COMMD10: variants seen among roughly 807,000 people sequenced by gnomAD.
The protein encoded by COMMD10 is COMM domain-containing protein 10.
COMMD10 carries 33 observed loss-of-function variants against 28.9 expected under a neutral mutation model. The observed-to-expected ratio is 1.14, with a 90% CI of 0.87 to 1.53. COMMD10 has a LOEUF of 1.53. Ranked by LOEUF, COMMD10 falls within the 40% of genes most tolerant of loss-of-function variation. The pLI is 0.00. For missense variants in COMMD10, 310 were observed against 233.4 expected, an observed-to-expected ratio of 1.33 and a Z score of -2.14; for synonymous variants, 110 against 81.7, an observed-to-expected ratio of 1.35 and a Z score of -1.87.
intron 5 of COMMD10, among the ~76,000 whole-genome samples, chr5:116,188,266 CACTTG>C (rs764746965): frequency 7.2e-5 from 11 of 152,094 alleles, no homozygotes; most frequent in Non-Finnish European, 1.5e-4. Flanking sequence ...TTATCAAGTC[CACTTG>C]ACTTAAAGTA....
chr5:116,163,645 TTGA>T (rs1252151575), intron 5 of COMMD10, among the ~76,000 whole-genome samples: 1 of 151,968 alleles, frequency 6.6e-6, no homozygotes, highest in East Asian at 1.9e-4. Context: ...GGAAACTATC[TTGA>T]TGATTTTGTG....
intron 4 of COMMD10, among the ~76,000 whole-genome samples, chr5:116,126,787 A>C (rs1461467368): frequency 6.6e-6 from 1 of 152,172 alleles, no homozygotes; most frequent in East Asian, 1.9e-4. Flanking sequence ...AGATAGTTTA[A>C]AGACTTAAAA....
chr5:116,124,397 C>T (rs1751545293), intron 4 of COMMD10, among the ~76,000 whole-genome samples: 3 of 152,124 alleles, frequency 2.0e-5, no homozygotes, highest in South Asian at 2.1e-4. Context: ...GTTTCTTAAT[C>T]CTGAGTTCTA....
intron 4 of COMMD10, among the ~76,000 whole-genome samples, chr5:116,098,466 G>C (rs1462659507): frequency 6.6e-6 from 1 of 152,118 alleles, no homozygotes; most frequent in Admixed American, 6.6e-5. Context: ...AAGAATATTT[G>C]GGAAACAAAA....
intron 4 of COMMD10, among the ~76,000 whole-genome samples, chr5:116,103,837 G>T (rs1246156033): frequency 6.6e-6 from 1 of 152,182 alleles, no homozygotes; most frequent in Non-Finnish European, 1.5e-5. Flanking sequence ...AAGGTGTAAG[G>T]AAGGGGTCCA....
chr5:116,182,871 A>C (rs10066026), intron 5 of COMMD10, among the ~76,000 whole-genome samples: 1 of 151,780 alleles, frequency 6.6e-6, no homozygotes, highest in Admixed American at 6.6e-5. Flanking sequence ...AGTTTCCCCC[A>C]TGCTGTCCTT....
chr5:116,201,803 C>G (rs1748674404), intron 5 of COMMD10, among the ~76,000 whole-genome samples: 1 of 152,010 alleles, frequency 6.6e-6, no homozygotes, highest in Admixed American at 6.6e-5. Flanking sequence ...TTAATTTATC[C>G]AAAGTTACAC....
intron 5 of COMMD10, among the ~76,000 whole-genome samples, chr5:116,212,564 G>T (rs1748995586): frequency 7.1e-6 from 1 of 141,408 alleles, no homozygotes; most frequent in South Asian, 2.3e-4. Context: ...TGGGTGTAAA[G>T]TGAAGAGATA....
intron 5 of COMMD10, among the ~76,000 whole-genome samples, chr5:116,254,714 C>T (rs1430973474): frequency 6.6e-6 from 1 of 151,688 alleles, no homozygotes; most frequent in Non-Finnish European, 1.5e-5. Context: ...ATCTTTACTT[C>T]CAAGTATGTG....
intron 5 of COMMD10, among the ~76,000 whole-genome samples, chr5:116,242,057 A>G (rs1749829502): frequency 6.6e-6 from 1 of 152,214 alleles, no homozygotes; most frequent in Non-Finnish European, 1.5e-5. Context: ...ACCCTGAGTT[A>G]TCTCCTAAGG....
intron 5 of COMMD10, among the ~76,000 whole-genome samples, chr5:116,193,453 C>T (rs1026184733): frequency 6.6e-6 from 1 of 152,128 alleles, no homozygotes; most frequent in Non-Finnish European, 1.5e-5. Context: ...TAAGGACTCA[C>T]ATAAACTGAA....
chr5:116,158,170 C>T (rs76591179), intron 5 of COMMD10, among the ~76,000 whole-genome samples: 853 of 5,394 alleles, frequency 0.16, 221 homozygotes, highest in African/African-American at 0.38. Context: ...CCCTCCTCTC[C>T]CTCCGTCTCC....
intron 4 of COMMD10, among the ~76,000 whole-genome samples, chr5:116,116,032 T>C (rs944911769): frequency 2.0e-5 from 3 of 152,138 alleles, no homozygotes; most frequent in Admixed American, 2.0e-4. Context: ...GAATGTTCTT[T>C]ATTTCGCCAA....
At chr5:116,159,233 T>A (rs983886947) in intron 5 of COMMD10, among the ~76,000 whole-genome samples, 1 of 152,252 alleles carries the variant, frequency 6.6e-6, no homozygotes, top group Non-Finnish European at 1.5e-5. Flanking sequence ...GCTGCCTATT[T>A]GATTTCACCT....
At chr5:116,231,539 T>A (rs190294256) in intron 5 of COMMD10, among the ~76,000 whole-genome samples, 1 of 152,252 alleles carries the variant, frequency 6.6e-6, no homozygotes, top group African/African-American at 2.4e-5. Context: ...TTGCTATACT[T>A]CACTAAAATC....
intron 5 of COMMD10, among the ~76,000 whole-genome samples, chr5:116,268,650 A>G (rs1432813371): frequency 2.0e-5 from 3 of 151,884 alleles, no homozygotes; most frequent in Non-Finnish European, 4.4e-5. Context: ...ACACACACAT[A>G]TGTTTATTGC....
intron 5 of COMMD10, among the ~76,000 whole-genome samples, chr5:116,179,604 T>C (rs1229073536): frequency 6.6e-6 from 1 of 152,104 alleles, no homozygotes; most frequent in Admixed American, 6.6e-5. Flanking sequence ...AGGAATGGCC[T>C]AATGAGAGTA....
At chr5:116,255,427 C>A (rs1007369468) in intron 5 of COMMD10, among the ~76,000 whole-genome samples, 1 of 151,586 alleles carries the variant, frequency 6.6e-6, no homozygotes, top group African/African-American at 2.4e-5. Context: ...GATTTTGCAG[C>A]GGCTGGTACT....
chr5:116,108,782 C>A (rs369606022), intron 4 of COMMD10, among the ~76,000 whole-genome samples: 2 of 152,166 alleles, frequency 1.3e-5, no homozygotes, highest in African/African-American at 4.8e-5. Flanking sequence ...TCTGCCCAAA[C>A]GGCCACCCAG....
Sources: allele counts gnomAD v4.1 joint callset (sites outside exome capture counted in the v4.1 genomes callset), GRCh38; gene constraint gnomAD v4.1.1; transcripts MANE v1.5; gene names NCBI Gene and HGNC (gene_info 2026-07-23, HGNC 2026-07-21).